The following PTPRM variants were observed in gnomAD, a reference collection of about 807,000 sequenced individuals.
The protein encoded by PTPRM is receptor-type tyrosine-protein phosphatase mu.
Under a neutral mutation model 186.7 loss-of-function variants are expected in PTPRM, and 47 were observed. That is an observed-to-expected ratio of 0.25 (90% CI 0.20 to 0.32). PTPRM has a LOEUF of 0.32. Among genes scored for constraint, PTPRM ranks in the 10% least tolerant of loss-of-function variants. PTPRM has a pLI of 1.00. For missense variants in PTPRM, 1,494 were observed against 1,865.0 expected, an observed-to-expected ratio of 0.80 and a Z score of 3.66; for synonymous variants, 668 against 674.9, an observed-to-expected ratio of 0.99 and a Z score of 0.16.
chr18:7,687,696 A>T (rs902242615), intron 1 of PTPRM, among the ~76,000 whole-genome samples: 1 of 152,026 alleles, frequency 6.6e-6, no homozygotes, highest in African/African-American at 2.4e-5. Flanking sequence ...CTCATATTTT[A>T]TGGTAAAGGA....
At chr18:7,724,751 TG>T (rs2040512497) in intron 1 of PTPRM, among the ~76,000 whole-genome samples, 1 of 152,240 alleles carries the variant, frequency 6.6e-6, no homozygotes, top group African/African-American at 2.4e-5. Context: ...ATTTGGTGGC[TG>T]TTCCTCGTAT....
At position 8,001,935 on chromosome 18, in the gene PTPRM, T is replaced by C. The variant is rs531389425; in HGVS notation, c.1132+46521T>C. 5.9e-5 allele frequency among the ~76,000 whole-genome samples: 9 copies of C among 152,350 alleles called. No individual in the cohort carries two copies. In the East Asian group the frequency reaches 7.7e-4, roughly 13 times the overall value. ...TGTCAGCACCTGCTGTGTGTCATAA[T>C]TGATGTTTCCTTTGGTTTCCTTGAA... On this transcript the variant is annotated intron_variant, in intron 7 of 32. Transcript: ENST00000580170.
At chr18:7,685,403 G>A (rs2039579046) in intron 1 of PTPRM, among the ~76,000 whole-genome samples, 1 of 152,200 alleles carries the variant, frequency 6.6e-6, no homozygotes, top group African/African-American at 2.4e-5. Flanking sequence ...TCTTAAAGAT[G>A]ATAGTAAACG....
chr18:7,824,212 G>T (rs191210886), intron 2 of PTPRM, among the ~76,000 whole-genome samples: 21 of 152,326 alleles, frequency 1.4e-4, no homozygotes, highest in African/African-American at 5.1e-4. Context: ...CCTGGACTCT[G>T]TTATGAGTTA....
intron 11 of PTPRM, among the ~76,000 whole-genome samples, chr18:8,094,395 A>G (rs1403894783): frequency 6.6e-6 from 1 of 151,930 alleles, no homozygotes; most frequent in African/African-American, 2.4e-5. Flanking sequence ...AATGTTTTGT[A>G]ATATAAATTT....
intron 1 of PTPRM, among the ~76,000 whole-genome samples, chr18:7,771,705 A>G (rs1390031096): frequency 6.6e-6 from 1 of 152,204 alleles, no homozygotes; most frequent in Non-Finnish European, 1.5e-5. Flanking sequence ...GCTGGGACAG[A>G]CAGTCTGAGG....
chr18:8,159,274 C>T (rs1331693625), intron 14 of PTPRM, among the ~76,000 whole-genome samples: 1 of 152,094 alleles, frequency 6.6e-6, no homozygotes, highest in Non-Finnish European at 1.5e-5. Context: ...GGTATCCTTA[C>T]AGAGTGTGCT....
chr18:8,186,273 C>A (rs533158827), intron 14 of PTPRM, among the ~76,000 whole-genome samples: 1 of 140,442 alleles, frequency 7.1e-6, no homozygotes, highest in Non-Finnish European at 1.5e-5. Flanking sequence ...TTGCAGTGAG[C>A]GGAGATCGTG....
At chr18:7,628,447 C>T (rs538651502) in intron 1 of PTPRM, among the ~76,000 whole-genome samples, 1 of 152,156 alleles carries the variant, frequency 6.6e-6, no homozygotes, top group Non-Finnish European at 1.5e-5. Context: ...CTGAAAATTG[C>T]AGCTATCATA....
At chr18:8,284,398 G>A (rs2094934412) in intron 19 of PTPRM, among the ~76,000 whole-genome samples, 1 of 152,094 alleles carries the variant, frequency 6.6e-6, no homozygotes, top group East Asian at 1.9e-4. Flanking sequence ...TACAACTTCT[G>A]GCAACCTCCT....
At chr18:8,091,838 A>G (rs2090750582) in intron 11 of PTPRM, among the ~76,000 whole-genome samples, 1 of 152,196 alleles carries the variant, frequency 6.6e-6, no homozygotes, top group Non-Finnish European at 1.5e-5. Flanking sequence ...ATAAAGCCAT[A>G]ATGTAAATTA....
chr18:7,915,917 T>C (rs1019723822), intron 4 of PTPRM, among the ~76,000 whole-genome samples: 9 of 152,212 alleles, frequency 5.9e-5, no homozygotes, highest in African/African-American at 2.2e-4. Context: ...TGAAAAAATT[T>C]ACACCATTAG....
intron 1 of PTPRM, among the ~76,000 whole-genome samples, chr18:7,770,122 G>A (rs2042206652): frequency 6.6e-6 from 1 of 152,196 alleles, no homozygotes; most frequent in South Asian, 2.1e-4. Context: ...TAGGGAGTCT[G>A]TTGCTGACCA....
At chr18:7,858,039 T>G (rs1599099511) in intron 2 of PTPRM, among the ~76,000 whole-genome samples, 1 of 152,284 alleles carries the variant, frequency 6.6e-6, no homozygotes, top group East Asian at 1.9e-4. Flanking sequence ...TGCTTGGCCC[T>G]AAGTATTTCC....
At chr18:7,875,939 A>G (rs2048219537) in intron 2 of PTPRM, among the ~76,000 whole-genome samples, 1 of 152,148 alleles carries the variant, frequency 6.6e-6, no homozygotes, top group Non-Finnish European at 1.5e-5. Flanking sequence ...CTCCTAGACT[A>G]CAAACTGTAT....
intron 22 of PTPRM, among the ~76,000 whole-genome samples, chr18:8,330,832 G>A (rs536290820): frequency 2.6e-5 from 4 of 152,158 alleles, no homozygotes; most frequent in African/African-American, 7.2e-5. Context: ...CCTTCCTTCC[G>A]AGGCCACAGC....
chr18:7,756,166 G>A (rs1021545812), intron 1 of PTPRM, among the ~76,000 whole-genome samples: 2 of 152,210 alleles, frequency 1.3e-5, no homozygotes, highest in East Asian at 1.9e-4. Flanking sequence ...GAGCACCCTT[G>A]CCTTGTGTCT....
At chr18:8,304,825 T>A (rs1404088315) in intron 20 of PTPRM, among the ~76,000 whole-genome samples, 12 of 133,700 alleles carry the variant, frequency 9.0e-5, no homozygotes, top group South Asian at 8.4e-4. Flanking sequence ...GACTTTATTT[T>A]TTTTTTTTTT....
intron 19 of PTPRM, among the ~76,000 whole-genome samples, chr18:8,275,068 A>G (rs575243975): frequency 6.6e-6 from 1 of 152,308 alleles, no homozygotes; most frequent in South Asian, 2.1e-4. Context: ...ATCGTTATTA[A>G]AAGGATCATA....
Sources: gnomAD v4.1 joint callset for allele counts (sites outside exome capture counted in the v4.1 genomes callset) on GRCh38, gnomAD v4.1.1 for gene constraint, MANE v1.5 for transcripts, NCBI Gene and HGNC (gene_info 2026-07-23, HGNC 2026-07-21) for gene names.